ADAMTS14: variants seen among roughly 807,000 people sequenced by gnomAD.
ADAMTS14 encodes the protein A disintegrin and metalloproteinase with thrombospondin motifs 14.
ADAMTS14 carries 100 observed loss-of-function variants against 128.6 expected under a neutral mutation model. The ratio of observed to expected loss-of-function variants is 0.78; its 90% CI spans 0.66 to 0.92. The LOEUF is 0.92. Among genes scored for constraint, ADAMTS14 ranks in the 40% least tolerant of loss-of-function variants. The probability of loss-of-function intolerance (pLI) is 0.00; values close to 1 mark genes in which losing one functional copy is unlikely to be tolerated. For synonymous variants in ADAMTS14, 665 were observed against 653.8 expected (o/e 1.02, Z -0.26); for missense variants, 1,562 against 1,658.6 (o/e 0.94, Z 1.01).
At chr10:70,713,881 T>C (rs1840936598) in intron 4 of ADAMTS14, among the ~76,000 whole-genome samples, 1 of 152,162 alleles carries the variant, frequency 6.6e-6, no homozygotes, top group African/African-American at 2.4e-5. Context: ...CTGCTGTGTG[T>C]CTGCAGACCA....
At chr10:70,675,507 G>T (rs1169393284) in intron 2 of ADAMTS14, among the ~76,000 whole-genome samples, 4 of 152,150 alleles carry the variant, frequency 2.6e-5, no homozygotes, top group Non-Finnish European at 4.4e-5. Context: ...TCGTGGCGTG[G>T]GCACAGTTAG....
chr10:70,758,918 C>T (rs1435546520), intron 21 of ADAMTS14, among the ~76,000 whole-genome samples: 1 of 152,184 alleles, frequency 6.6e-6, no homozygotes, highest in Non-Finnish European at 1.5e-5. Flanking sequence ...AGATTCTTCA[C>T]TCCTTTCCTA....
At chr10:70,711,041 A>G (rs1315458192) in intron 4 of ADAMTS14, among the ~76,000 whole-genome samples, 1 of 152,232 alleles carries the variant, frequency 6.6e-6, no homozygotes, top group African/African-American at 2.4e-5. Flanking sequence ...TCAGGGATCC[A>G]TAGGATGCAA....
chr10:70,760,925 C>T lies in ADAMTS14; in HGVS notation c.*72C>T. On this transcript the variant is annotated 3_prime_UTR_variant, in exon 22 of 22. Coordinates refer to ENST00000373207, the MANE Select transcript of ADAMTS14 (RefSeq NM_080722.4). ...CCCGTGACTCCCAGCTCAGAGGACA[C>T]ACATAGCAGGGCAGGCGCAAGCACA... The T allele has an allele frequency of 6.7e-7, 1 of 1,490,016 alleles. No individual in the cohort carries two copies. Among genetic ancestry groups the T allele is most frequent in the Non-Finnish European group, 8.9e-7 (1 of 1,120,340 alleles). 92.3% of individuals were successfully genotyped at this position (1,490,016 alleles called of 1,614,324 possible). A position where few individuals can be genotyped will look rare whatever the true frequency, so the allele number is the denominator to read the frequency against.
At chr10:70,683,024 G>A (rs1383186487) in intron 2 of ADAMTS14, among the ~76,000 whole-genome samples, 1 of 152,230 alleles carries the variant, frequency 6.6e-6, no homozygotes, top group Non-Finnish European at 1.5e-5. Flanking sequence ...TGGCTATCTG[G>A]CCATCTGCTC....
intron 4 of ADAMTS14, among the ~76,000 whole-genome samples, chr10:70,709,532 G>A (rs1466826159): frequency 8.7e-6 from 1 of 115,246 alleles, no homozygotes; most frequent in Non-Finnish European, 1.6e-5. Context: ...ACGGAGTCTG[G>A]CTCTGTCACT....
Position 70,730,166 on chromosome 10 carries a change from A to G in ADAMTS14, c.1019A>G (p.His340Arg). 2.5e-6 allele frequency: 4 copies of G among 1,613,204 alleles called. No individual in the cohort carries two copies. Among genetic ancestry groups the G allele is most frequent in the East Asian group, 4.5e-5 (2 of 44,882 alleles). ...CTGGAGCAGGTGTGTCGCTGGGCAC[A>G]CTCCCAGCAGCGCCAGGACCCCAGC... ...RSLEQVCRWA[H>R]SQQRQDPSHA... The change falls in exon 6 of 22, where the codon CAC (histidine) becomes CGC (arginine). Residue 340 changes from histidine (H) to arginine (R), a missense_variant. Physicochemically the swap from His to Arg is conservative, Grantham distance 29. Coordinates refer to ENST00000373207, the MANE Select transcript of ADAMTS14 (RefSeq NM_080722.4).
intron 2 of ADAMTS14, among the ~76,000 whole-genome samples, chr10:70,683,732 G>A (rs10823598): frequency 0.1 from 15,962 of 152,206 alleles, 1,656 homozygotes; most frequent in East Asian, 0.53. Flanking sequence ...GCCTGCTCAC[G>A]TGGCTGTGCT....
intron 3 of ADAMTS14, among the ~76,000 whole-genome samples, chr10:70,706,636 C>A (rs773472407): frequency 2.2e-4 from 34 of 152,192 alleles, no homozygotes; most frequent in African/African-American, 6.8e-4. Context: ...GAGGGAGAAA[C>A]CCACCTGAGC....
At chr10:70,672,915 TG>T in intron 1 of ADAMTS14, 31 bp downstream of exon 1, 1 of 1,435,780 alleles carries the variant, frequency 7.0e-7, no homozygotes, top group African/African-American at 1.5e-5. Flanking sequence ...CGGGGGCCCG[TG>T]GGGTCCGGGG....
chr10:70,757,995 CG>C lies in ADAMTS14; in HGVS notation c.2973del (p.Gln992ArgfsTer39), dbSNP rs1399325975. On this transcript the variant is annotated frameshift_variant, in exon 20 of 22. Coordinates refer to ENST00000373207, the MANE Select transcript of ADAMTS14 (RefSeq NM_080722.4). ...CACCTGTGGAGAGGGCATCCAGCAG[CG>C]GCAGGTGGTGTGCAGGACCAACGCC... ...SATCGEGIQQRQVVCRTNANS... is the reference protein window; with the variant it reads ...SATCGEGIQQXQVVCRTNANS... 1.2e-6 allele frequency: 2 copies of C among 1,612,916 alleles called. No individual in the cohort carries two copies. The highest frequency in any genetic ancestry group is 1.7e-6 in the Non-Finnish European group (2 of 1,179,752).
At chr10:70,710,237 C>T (rs903504472) in intron 4 of ADAMTS14, among the ~76,000 whole-genome samples, 1 of 152,242 alleles carries the variant, frequency 6.6e-6, no homozygotes, top group Non-Finnish European at 1.5e-5. Flanking sequence ...AGGTGCCCTT[C>T]ACCTCTGAGC....
intron 18 of ADAMTS14, among the ~76,000 whole-genome samples, chr10:70,752,618 A>T (rs1842382019): frequency 6.6e-6 from 1 of 152,118 alleles, no homozygotes; most frequent in Non-Finnish European, 1.5e-5. Flanking sequence ...CCTGTTGCAG[A>T]GCCGGCCTCA....
chr10:70,736,678 A>G lies in ADAMTS14; in HGVS notation c.1486-2A>G. On this transcript the variant is annotated splice_acceptor_variant, in intron 9 of 21. Transcript: ENST00000373207. LOFTEE classifies it high-confidence loss of function. ...TGGTGACCCCATTCCCTTGCCATGCAGTTCAGGACCTTTGAGCCCTGCAAG... is the reference window on the plus strand; with the variant it reads ...TGGTGACCCCATTCCCTTGCCATGCGGTTCAGGACCTTTGAGCCCTGCAAG... 6.2e-7 allele frequency: 1 copy of G among 1,612,666 alleles called. No individual in the cohort carries two copies. The highest frequency in any genetic ancestry group is 8.5e-7 in the Non-Finnish European group (1 of 1,179,240).
chr10:70,749,611 GTGT>G, intron 15 of ADAMTS14, among the ~76,000 whole-genome samples: 1 of 32,806 alleles, frequency 3.0e-5, no homozygotes. Context: ...CAGCAAGAGT[GTGT>G]GTGTGTGTGT....
At chr10:70,707,005 C>T (rs1840688457) in intron 3 of ADAMTS14, among the ~76,000 whole-genome samples, 1 of 152,218 alleles carries the variant, frequency 6.6e-6, no homozygotes, top group Non-Finnish European at 1.5e-5. Context: ...GCCCTCTGCC[C>T]CCTGTGCTGA....
intron 1 of ADAMTS14, 32 bp downstream of exon 1, chr10:70,672,916 G>C: frequency 7.0e-7 from 1 of 1,420,070 alleles, no homozygotes; most frequent in Non-Finnish European, 9.1e-7. Flanking sequence ...GGGGGCCCGT[G>C]GGGTCCGGGG....
chr10:70,689,097 C>A lies in ADAMTS14; in HGVS notation c.523-13215C>A, dbSNP rs1389472637. ...GGCCTGTGTTCCACAGCCTGGCCGA[C>A]TGCTGGCCTGGGTGCATCGTGCCTT... On this transcript the variant is annotated intron_variant, in intron 2 of 21. Coordinates refer to ENST00000373207, the MANE Select transcript of ADAMTS14 (RefSeq NM_080722.4). Among the ~76,000 whole-genome samples, 6 of 128,676 alleles carry A rather than the reference C, an allele frequency of 4.7e-5. 1 individual carries two copies. Among genetic ancestry groups the A allele is most frequent in the African/African-American group, 1.5e-4 (6 of 38,730 alleles). 84.4% of individuals were successfully genotyped at this position (128,676 alleles called of 152,430 possible).
intron 21 of ADAMTS14, among the ~76,000 whole-genome samples, chr10:70,759,036 G>T (rs909559444): frequency 1.3e-5 from 2 of 150,180 alleles, no homozygotes; most frequent in African/African-American, 4.9e-5. Context: ...CCAGTTGGCT[G>T]CAAATTCGTT....
Sources: allele counts gnomAD v4.1 joint callset (sites outside exome capture counted in the v4.1 genomes callset), GRCh38; gene constraint gnomAD v4.1.1; transcripts MANE v1.5; gene names NCBI Gene and HGNC (gene_info 2026-07-23, HGNC 2026-07-21).